RSF1: variants seen among roughly 807,000 people sequenced by gnomAD.
RSF1 encodes the protein remodeling and spacing factor 1, also known as HBV pX-associated protein 8.
In RSF1, 13 loss-of-function variants were observed where a neutral mutation model predicts 145.2. That is an observed-to-expected ratio of 0.09 (90% CI 0.06 to 0.14). RSF1 has a LOEUF of 0.14. Among genes scored for constraint, RSF1 ranks in the 10% least tolerant of loss-of-function variants. RSF1 has a pLI of 1.00. For synonymous variants in RSF1, 577 were observed against 592.6 expected (o/e 0.97, Z 0.38); for missense variants, 1,517 against 1,718.2 (o/e 0.88, Z 2.07).
chr11:77,852,757 AT>A, the RSF1 span, among the ~76,000 whole-genome samples: 40 of 151,828 alleles, frequency 2.6e-4, no homozygotes, highest in Non-Finnish European at 2.2e-4. Flanking sequence ...TATATAAATA[AT>A]TTTTTTTCTT....
At chr11:77,820,237 G>A (rs918987244) in intron 1 of RSF1, among the ~76,000 whole-genome samples, 19 of 152,138 alleles carry the variant, frequency 1.2e-4, no homozygotes, top group Non-Finnish European at 1.9e-4. Context: ...AGTCCCCGGG[G>A]CTGCCGACCG....
chr11:77,798,851 G>T (rs2135975119), intron 1 of RSF1, among the ~76,000 whole-genome samples: 1 of 151,530 alleles, frequency 6.6e-6, no homozygotes, highest in South Asian at 2.1e-4. Context: ...GGGGATAGGG[G>T]AGGGATAACA....
intron 2 of RSF1, among the ~76,000 whole-genome samples, chr11:77,749,558 A>T (rs1948038707): frequency 6.6e-6 from 1 of 152,202 alleles, no homozygotes; most frequent in Non-Finnish European, 1.5e-5. Flanking sequence ...CCAATGGCTC[A>T]CAGTGTCACA....
intron 1 of RSF1, among the ~76,000 whole-genome samples, chr11:77,777,501 G>A (rs1486691604): frequency 1.3e-5 from 2 of 152,290 alleles, no homozygotes; most frequent in Non-Finnish European, 2.9e-5. Flanking sequence ...GCTGAGGAAG[G>A]AGAATCGCTT....
chr11:77,756,671 A>C (rs1186274120), intron 2 of RSF1, among the ~76,000 whole-genome samples: 3 of 152,350 alleles, frequency 2.0e-5, no homozygotes, highest in Non-Finnish European at 4.4e-5. Flanking sequence ...CATGATAAAG[A>C]AAATTCTCTA....
At chr11:77,820,150 G>A (rs1039588223) in intron 1 of RSF1, among the ~76,000 whole-genome samples, 1 of 152,200 alleles carries the variant, frequency 6.6e-6, no homozygotes, top group Non-Finnish European at 1.5e-5. Flanking sequence ...GCGCAAAGCT[G>A]GCCGGAACCT....
chr11:77,692,357 G>A lies in RSF1; in HGVS notation c.2821-1119C>T, dbSNP rs1338105106. On this transcript the variant is annotated intron_variant, in intron 8 of 15. Transcript: ENST00000308488. ...CCTCCTGGGTTCACGCCATTCTCCTGCCTCAGCCTCCCAAGTAGCTGGGAC... is the reference window on the plus strand; with the variant it reads ...CCTCCTGGGTTCACGCCATTCTCCTACCTCAGCCTCCCAAGTAGCTGGGAC... Among the ~76,000 whole-genome samples the A allele has an allele frequency of 9.9e-5, 11 of 110,974 alleles. 2 individuals carry two copies. The highest frequency in any genetic ancestry group is 1.4e-4 in the Non-Finnish European group (8 of 59,114). The allele number at this position is 110,974 out of a possible 152,430, so 72.8% of individuals were successfully genotyped here. A position where few individuals can be genotyped will look rare whatever the true frequency, so the allele number is the denominator to read the frequency against.
rs1959709880 is a variant in RSF1, at chr11:77,676,677, T to C, written c.3341+115A>G. On this transcript the variant is annotated intron_variant, in intron 13 of 15. Transcript: ENST00000308488. ...TAAATATCCTGAAAATAAACAGAGG[T>C]TGTCTATGTACATGAAGAAGAAAAC... 23 of 740,094 alleles carry C rather than the reference T, an allele frequency of 3.1e-5. 1 individual carries two copies. In the South Asian group the frequency reaches 6.2e-4, roughly 20 times the overall value. The allele number at this position is 740,094 out of a possible 1,614,324, so 45.8% of individuals were successfully genotyped here. A position where few individuals can be genotyped will look rare whatever the true frequency, so the allele number is the denominator to read the frequency against.
chr11:77,830,601 C>T, the RSF1 span, among the ~76,000 whole-genome samples: 1 of 151,860 alleles, frequency 6.6e-6, no homozygotes, highest in African/African-American at 2.4e-5. Flanking sequence ...CAAATATACT[C>T]TTTTGTCTCT....
At chr11:77,785,842 C>A (rs1334522204) in intron 1 of RSF1, among the ~76,000 whole-genome samples, 1 of 127,924 alleles carries the variant, frequency 7.8e-6, no homozygotes. Context: ...AGGAGAATGG[C>A]GTGAACCTGG....
chr11:77,677,143 G>A, intron 12 of RSF1, 144 bp from the exon 13 acceptor site: 1 of 650,012 alleles, frequency 1.5e-6, no homozygotes, highest in South Asian at 2.1e-5. Flanking sequence ...GTTTTCTTAT[G>A]ACTTCAGCTG....
At chr11:77,783,713 G>A (rs1465422709) in intron 1 of RSF1, among the ~76,000 whole-genome samples, 1 of 151,900 alleles carries the variant, frequency 6.6e-6, no homozygotes, top group African/African-American at 2.4e-5. Context: ...ATAATGGTGT[G>A]CGTCAGGAGT....
In RSF1 at chr11:77,701,417, A is replaced by T; in HGVS notation, c.1812T>A (p.Ser604Arg). 8.1e-6 allele frequency: 13 copies of T among 1,613,902 alleles called. No individual in the cohort carries two copies. The highest frequency in any genetic ancestry group is 1.1e-5 in the Non-Finnish European group (13 of 1,179,984). The change falls in exon 6 of 16, where the codon AGT (serine) becomes AGA (arginine). Residue 604 changes from serine (S) to arginine (R), a missense_variant. By Grantham distance (110) the Ser-to-Arg change is moderately radical. Around this residue, in one of 12 missense-constraint regions of RSF1, gnomAD observed 579 missense variants for 553.5 expected, o/e 1.05. Coordinates refer to ENST00000308488, the MANE Select transcript of RSF1 (RefSeq NM_016578.4). The stretch of plus-strand genomic sequence containing the variant: ...TCTTTGGAACTTCTTCTGGTATTGG[A>T]CTCAATCTTTGTGCGTCCTTATCAA... ...TFLDKDAQRL[S>R]PIPEEVPKST... is the part of the protein sequence containing the mutation.
intron 3 of RSF1, among the ~76,000 whole-genome samples, chr11:77,745,734 C>A (rs1232750953): frequency 6.6e-6 from 1 of 150,858 alleles, no homozygotes; most frequent in Non-Finnish European, 1.5e-5. Flanking sequence ...AACTAACTAA[C>A]TTTTTGTTAT....
chr11:77,737,606 T>G (rs532881341), intron 4 of RSF1, among the ~76,000 whole-genome samples: 3 of 131,342 alleles, frequency 2.3e-5, no homozygotes, highest in East Asian at 5.0e-4. Flanking sequence ...GAAAGAAGTT[T>G]TATGTGTTTT....
At position 77,661,749 on chromosome 11, in the gene RSF1, C is replaced by T. The variant is rs1959237036; in HGVS notation, c.*5168G>A. On this transcript the variant is annotated 3_prime_UTR_variant, in exon 16 of 16. Coordinates refer to ENST00000308488, the MANE Select transcript of RSF1 (RefSeq NM_016578.4). Reference sequence around the variant, plus strand: ...ATTTTTTTTAAAAAAAGGTGACTCTCAAGCAAAATAAACTTTTTTTTTTTT... The same window carrying T: ...ATTTTTTTTAAAAAAAGGTGACTCTTAAGCAAAATAAACTTTTTTTTTTTT... 1 of 148,362 alleles carries T rather than the reference C, an allele frequency of 6.7e-6. No individual in the cohort carries two copies. Among genetic ancestry groups the T allele is most frequent in the Non-Finnish European group, 1.5e-5 (1 of 67,408 alleles). 9.2% of individuals were successfully genotyped at this position (148,362 alleles called of 1,614,324 possible). A position where few individuals can be genotyped will look rare whatever the true frequency, so the allele number is the denominator to read the frequency against.
chr11:77,667,470 G>C lies in RSF1; in HGVS notation c.3773C>G (p.Ser1258Cys). 2 of 1,610,912 alleles carry C rather than the reference G, an allele frequency of 1.2e-6. No individual in the cohort carries two copies. The highest frequency in any genetic ancestry group is 1.7e-6 in the Non-Finnish European group (2 of 1,179,678). Residue 1258 changes from serine (S) to cysteine (C), a missense_variant, in exon 16 of 16, where the codon TCT becomes TGT. Ser to Cys is a moderately radical substitution (Grantham distance 112, BLOSUM62 -1). Transcript: ENST00000308488. ...ESEESYLSKNSEDDELAKESK... is the reference protein window; with the variant it reads ...ESEESYLSKNCEDDELAKESK... ...TTCTTTAGCTAGCTCATCATCTTCA[G>C]AGTTCTTGGACAAATAGCTCTCTAG... is the stretch of plus-strand genomic sequence containing the variant.
chr11:77,840,489 A>G, the RSF1 span, among the ~76,000 whole-genome samples: 3 of 152,212 alleles, frequency 2.0e-5, no homozygotes, highest in East Asian at 5.8e-4. Context: ...AGATCGCACC[A>G]CTGCACTCCA....
chr11:77,868,834 T>C, the RSF1 span: 1 of 202,430 alleles, frequency 4.9e-6, no homozygotes, highest in Non-Finnish European at 1.1e-5. Context: ...GGTACCTTTC[T>C]CTCTGGCTTC....
Sources: gnomAD v4.1 joint callset for allele counts (sites outside exome capture counted in the v4.1 genomes callset) on GRCh38, gnomAD v4.1.1 for gene constraint, gnomAD v4.1.1 regional missense constraint, MANE v1.5 for transcripts, NCBI Gene and HGNC (gene_info 2026-07-23, HGNC 2026-07-21) for gene names.